DNAH12: variants seen among roughly 807,000 people sequenced by gnomAD.
DNAH12 encodes the protein dynein axonemal heavy chain 12.
In DNAH12, 285 loss-of-function variants were observed where a neutral mutation model predicts 371.5. That is an observed-to-expected ratio of 0.77 (90% CI 0.70 to 0.85). The LOEUF (loss-of-function observed/expected upper bound fraction) is 0.85. Ranked by LOEUF, DNAH12 falls within the 40% of genes least tolerant of loss-of-function variation. The pLI is 0.00. For missense variants in DNAH12, 3,611 were observed against 3,689.4 expected (o/e 0.98, Z 0.55); for synonymous variants, 1,200 against 1,213.0 (o/e 0.99, Z 0.22).
In DNAH12 at chr3:57,419,301, T is replaced by C. The variant is rs901113898; in HGVS notation, c.5714+66A>G. ...GGGATGATCTCGAATACTTCAAAAA[T>C]TGCCATAATCCTATTAAAATGGTAC... On this transcript the variant is annotated intron_variant, in intron 37 of 73. Coordinates refer to ENST00000495027, the MANE Select transcript of DNAH12 (RefSeq NM_001366028.2). The C allele has an allele frequency of 8.6e-6, 12 of 1,397,314 alleles. No homozygotes were observed. The South Asian group carries it at 1.5e-4, about 18-fold the overall frequency. 86.6% of individuals were successfully genotyped at this position (1,397,314 alleles called of 1,614,324 possible).
rs2064493259 is a variant in DNAH12 at position 57,419,389 on chromosome 3, C to G, written c.5692G>C (p.Asp1898His). 1 of 1,501,366 alleles carries G rather than the reference C, an allele frequency of 6.7e-7. No individual in the cohort carries two copies. The highest frequency in any genetic ancestry group is 8.8e-7 in the Non-Finnish European group (1 of 1,131,510). 93.0% of individuals were successfully genotyped at this position (1,501,366 alleles called of 1,614,324 possible). A position where few individuals can be genotyped will look rare whatever the true frequency, so the allele number is the denominator to read the frequency against. The change falls in exon 37 of 74, where the codon GAT (aspartate) becomes CAT (histidine). Residue 1898 changes from aspartate to histidine, a missense_variant. This residue lies in a region of DNAH12 where 2,266 missense variants were observed against 2,236.9 expected (regional missense o/e 1.01). Transcript: ENST00000495027. ...MDTIRYTFLM[D>H]LSITYAKPLL... is the part of the protein sequence containing the mutation. ...TACTTTGCATAGGTAATACTCAAATCCATTAGAAACGTATATCTAATTGTG... is the reference window on the plus strand; with the variant it reads ...TACTTTGCATAGGTAATACTCAAATGCATTAGAAACGTATATCTAATTGTG...
At chr3:57,446,363 GT>G (rs2065496517) in intron 26 of DNAH12, 93 bp from the exon 27 acceptor site, 1 of 1,447,258 alleles carries the variant, frequency 6.9e-7, no homozygotes, top group African/African-American at 1.4e-5. Context: ...AGAATTGAAA[GT>G]TAAATTTAGT....
chr3:57,376,607 A>T, intron 53 of DNAH12, among the ~76,000 whole-genome samples: 1 of 152,180 alleles, frequency 6.6e-6, no homozygotes, highest in East Asian at 1.9e-4. Flanking sequence ...CAAGCCAGTT[A>T]TATCTTCCTT....
chr3:57,322,048 TA>T (rs2061817490), intron 65 of DNAH12, among the ~76,000 whole-genome samples: 1 of 152,168 alleles, frequency 6.6e-6, no homozygotes, highest in Non-Finnish European at 1.5e-5. Flanking sequence ...AATGGGAAAA[TA>T]GATTTCTACT....
intron 29 of DNAH12, among the ~76,000 whole-genome samples, chr3:57,440,694 A>T (rs1334372459): frequency 6.6e-6 from 1 of 152,218 alleles, no homozygotes. Context: ...TTCCTTTAAA[A>T]ATAAGTAAAT....
At chr3:57,472,518 A>G (rs2066395424) in intron 14 of DNAH12, 28 bp downstream of exon 14, 1 of 1,531,358 alleles carries the variant, frequency 6.5e-7, no homozygotes, top group Non-Finnish European at 8.8e-7. Flanking sequence ...GTCAGATTAC[A>G]AAAATACATA....
chr3:57,440,245 C>G (rs552306187), intron 29 of DNAH12, among the ~76,000 whole-genome samples: 20 of 152,196 alleles, frequency 1.3e-4, no homozygotes, highest in Non-Finnish European at 1.2e-4. Context: ...TACCACAGCA[C>G]TATTCACAAT....
intron 2 of DNAH12, among the ~76,000 whole-genome samples, chr3:57,525,878 C>T (rs1351792057): frequency 6.6e-6 from 1 of 150,724 alleles, no homozygotes; most frequent in Admixed American, 6.7e-5. Flanking sequence ...TCTCCTGCCT[C>T]AGCCTCCCAA....
intron 29 of DNAH12, among the ~76,000 whole-genome samples, chr3:57,440,173 T>C (rs2065259918): frequency 6.6e-6 from 1 of 152,230 alleles, no homozygotes; most frequent in Admixed American, 6.5e-5. Context: ...ATCCCATTAC[T>C]GGGTATATAT....
chr3:57,321,591 C>T (rs1206371420), intron 65 of DNAH12, among the ~76,000 whole-genome samples: 1 of 152,122 alleles, frequency 6.6e-6, no homozygotes, highest in Non-Finnish European at 1.5e-5. Flanking sequence ...CAGCTTCTCC[C>T]TTTTCTTTCT....
Position 57,445,348 on chromosome 3 carries a change from G to GT in DNAH12, c.4250dup (p.Tyr1417Ter), listed in dbSNP as rs1559666755. The GT allele has an allele frequency of 6.4e-7, 1 of 1,551,546 alleles. No homozygotes were observed. Among genetic ancestry groups the GT allele is most frequent in the African/African-American group, 1.4e-5 (1 of 73,046 alleles). The change falls in exon 28 of 74, where the codon TAC becomes TAAC. Residue 1417 changes from tyrosine (Y) to a stop codon, truncating the protein, a stop_gained and frameshift_variant. Coordinates refer to ENST00000495027, the MANE Select transcript of DNAH12 (RefSeq NM_001366028.2). LOFTEE classifies it high-confidence loss of function. ...ACAGAGGTCTTGCATTCAAAAATCCGTAAGAGTAGAGGGAGATTTCTGCTA... is the reference window on the plus strand; with the variant it reads ...ACAGAGGTCTTGCATTCAAAAATCCGTTAAGAGTAGAGGGAGATTTCTGCTA... ...ALIAEISLYSYGFLNARPLSV... is the reference protein window; with the variant it reads ...ALIAEISLYS
At position 57,334,948 on chromosome 3, in the gene DNAH12, C is replaced by A; in HGVS notation, c.9675-8G>T. 4 of 1,537,896 alleles carry A rather than the reference C, an allele frequency of 2.6e-6. No homozygotes were observed. Among genetic ancestry groups the A allele is most frequent in the Non-Finnish European group, 3.5e-6 (4 of 1,143,502 alleles). ...TCAATCTCTTTCCTTGCCCTGTATT[C>A]CCAAAATAAGGACTGTTATATAATT... On this transcript the variant is annotated splice_polypyrimidine_tract_variant and splice_region_variant and intron_variant, in intron 60 of 73. Transcript: ENST00000495027.
chr3:57,456,421 C>T (rs1336710993), intron 22 of DNAH12, among the ~76,000 whole-genome samples: 1 of 152,126 alleles, frequency 6.6e-6, no homozygotes, highest in African/African-American at 2.4e-5. Flanking sequence ...TTTACAACTG[C>T]TCATTTGTGG....
intron 65 of DNAH12, among the ~76,000 whole-genome samples, chr3:57,319,067 T>C (rs1030124436): frequency 9.2e-5 from 14 of 152,190 alleles, no homozygotes; most frequent in African/African-American, 3.4e-4. Context: ...TAGTTTTCAG[T>C]GTATATATCT....
intron 58 of DNAH12, among the ~76,000 whole-genome samples, chr3:57,361,365 G>A (rs1038012593): frequency 5.0e-5 from 7 of 140,972 alleles, no homozygotes; most frequent in African/African-American, 1.1e-4. Flanking sequence ...ATATATATAC[G>A]TATATATACA....
chr3:57,408,891 A>G (rs1291389753), intron 39 of DNAH12, among the ~76,000 whole-genome samples: 1 of 152,168 alleles, frequency 6.6e-6, no homozygotes, highest in Non-Finnish European at 1.5e-5. Context: ...AGATAAGGTG[A>G]CTATATATCT....
Position 57,322,414 on chromosome 3 carries a change from G to T in DNAH12, c.10453C>A (p.Leu3485Ile). 6.4e-7 allele frequency: 1 copy of T among 1,552,144 alleles called. No individual in the cohort carries two copies. The highest frequency in any genetic ancestry group is 1.2e-5 in the South Asian group (1 of 84,054). ...NEPPTGLRLN[L>I]LQSYLTDPVS... ...GGATCAGTGAGATATGATTGAAGGA[G>T]ATTCAGCCGAAGACCCGTGGGAGGT... Residue 3485 changes from leucine (L) to isoleucine (I), a missense_variant, in exon 65 of 74, where the codon CTC becomes ATC. By Grantham distance (5) the Leu-to-Ile change is conservative. Coordinates refer to ENST00000495027, the MANE Select transcript of DNAH12 (RefSeq NM_001366028.2).
intron 55 of DNAH12, among the ~76,000 whole-genome samples, chr3:57,368,935 G>A (rs1329130352): frequency 2.6e-5 from 4 of 151,988 alleles, no homozygotes; most frequent in Admixed American, 1.3e-4. Context: ...TGCCGGGCAC[G>A]GTGGCTCAGG....
chr3:57,389,839 T>TATGTATATATATATAAAA (rs1326237791), intron 45 of DNAH12, among the ~76,000 whole-genome samples: 1 of 84,846 alleles, frequency 1.2e-5, no homozygotes, highest in Admixed American at 1.3e-4. Flanking sequence ...TATATATATA[T>TATGTATATATATATAAAA]AATACTTTTT....
Sources: gnomAD v4.1 joint callset for allele counts (sites outside exome capture counted in the v4.1 genomes callset) on GRCh38, gnomAD v4.1.1 for gene constraint, gnomAD v4.1.1 regional missense constraint, MANE v1.5 for transcripts, NCBI Gene and HGNC (gene_info 2026-07-23, HGNC 2026-07-21) for gene names.